The following DEAF1 variants were observed in gnomAD, a reference collection of about 807,000 sequenced individuals.
DEAF1 encodes DEAF1 transcription factor, also known as deformed epidermal autoregulatory factor 1 homolog.
A neutral mutation model predicts 58.9 loss-of-function variants in DEAF1; 53 were observed. That is an observed-to-expected ratio of 0.90 (90% CI 0.72 to 1.13). The LOEUF is 1.13. Ranked by LOEUF, DEAF1 falls within the 50% of genes most tolerant of loss-of-function variation. The pLI is 0.00. For synonymous variants in DEAF1, 385 were observed against 340.4 expected, an observed-to-expected ratio of 1.13 and a Z score of -1.44; for missense variants, 685 against 791.4, an observed-to-expected ratio of 0.87 and a Z score of 1.61.
At chr11:704,360 C>T in intron 1 of DEAF1, 4 of 1,030,252 alleles carry the variant, frequency 3.9e-6, no homozygotes, top group Non-Finnish European at 5.3e-6. Context: ...CCTGGACAGT[C>T]TTTCCTGCCT....
intron 4 of DEAF1, 21 bp downstream of exon 4, chr11:687,890 G>A (rs1269675280): frequency 8.7e-6 from 14 of 1,613,884 alleles, no homozygotes; most frequent in Non-Finnish European, 1.1e-5. Flanking sequence ...CAACTTTGGA[G>A]TCTGAAGTGG....
At chr11:657,535 C>T (rs927349559) in intron 10 of DEAF1, among the ~76,000 whole-genome samples, 2 of 152,140 alleles carry the variant, frequency 1.3e-5, no homozygotes, top group Non-Finnish European at 2.9e-5. Flanking sequence ...CAGATCCTCC[C>T]GTCTAGGAGA....
chr11:680,655 C>T (rs1327987149), intron 7 of DEAF1, among the ~76,000 whole-genome samples: 2 of 152,164 alleles, frequency 1.3e-5, no homozygotes, highest in African/African-American at 2.4e-5. Context: ...TCACCAAGGA[C>T]GCCCTTGTCA....
intron 10 of DEAF1, chr11:654,654 C>T (rs1307923053): frequency 2.2e-6 from 1 of 454,984 alleles, no homozygotes; most frequent in Non-Finnish European, 4.4e-6. Context: ...GCGGGTGGAT[C>T]ACCTGAGGTC....
At chr11:699,267 G>T (rs552295593), upstream of DEAF1, 58 of 272,868 alleles carry the variant, frequency 2.1e-4, 1 homozygote, top group African/African-American at 1.2e-3. Context: ...CTCTCACCCA[G>T]GCTGGAGTGT....
Position 653,488 on chromosome 11 carries a change from GTC to G in DEAF1, c.1593+472_1593+473del, listed in dbSNP as rs1185668872. Among the ~76,000 whole-genome samples the G allele has an allele frequency of 7.7e-5, 9 of 116,458 alleles. No individual in the cohort carries two copies. In the South Asian group the frequency reaches 9.0e-4, roughly 12 times the overall value. 76.4% of individuals were successfully genotyped at this position (116,458 alleles called of 152,430 possible). On this transcript the variant is annotated intron_variant, in intron 11 of 11. Coordinates refer to ENST00000382409, the MANE Select transcript of DEAF1 (RefSeq NM_021008.4). ...CTCAATAATAGAAGAACTGTGGACAGTCTCTCTCGCGTGGCTCTGCAGGGGTG... is the reference window on the plus strand; with the variant it reads ...CTCAATAATAGAAGAACTGTGGACAGTCTCTCGCGTGGCTCTGCAGGGGTG...
At chr11:652,052 A>T (rs1038058347) in intron 11 of DEAF1, among the ~76,000 whole-genome samples, 4 of 152,222 alleles carry the variant, frequency 2.6e-5, no homozygotes, top group Admixed American at 2.6e-4. Flanking sequence ...CCAACAGAGC[A>T]GAATATACAA....
chr11:699,757 AAAAAAG>A, upstream of DEAF1: 1 of 184,702 alleles, frequency 5.4e-6, no homozygotes, highest in African/African-American at 2.4e-5. Flanking sequence ...ATCTCAAAAA[AAAAAAG>A]AAAATGACAA....
chr11:654,335 T>C (rs1444908371), intron 10 of DEAF1, among the ~76,000 whole-genome samples: 2 of 150,772 alleles, frequency 1.3e-5, no homozygotes, highest in East Asian at 2.0e-4. Context: ...CCCAGCTAAT[T>C]TGTGTATTTT....
In DEAF1 at chr11:649,529, G is replaced by A. The variant is rs1176289045; in HGVS notation, c.1593+4433C>T. 4.0e-5 allele frequency among the ~76,000 whole-genome samples: 6 copies of A among 151,862 alleles called. No homozygotes were observed. The East Asian group carries it at 5.8e-4, about 15-fold the overall frequency. Reference sequence around the variant, plus strand: ...GAGGTCAGGAGCTCAAGACCAGCCTGACCAACATGGTGAAACCCTGTGTCT... The same window carrying A: ...GAGGTCAGGAGCTCAAGACCAGCCTAACCAACATGGTGAAACCCTGTGTCT... On this transcript the variant is annotated intron_variant, in intron 11 of 11. Coordinates refer to ENST00000382409, the MANE Select transcript of DEAF1 (RefSeq NM_021008.4).
chr11:700,926 G>C, intron 1 of DEAF1: 1 of 594,186 alleles, frequency 1.7e-6, no homozygotes, highest in East Asian at 2.8e-5. Flanking sequence ...CGTTGGGAGA[G>C]ACTCTGTGTT....
At chr11:681,123 T>C (rs1166126728) in intron 6 of DEAF1, 34 bp from the exon 7 acceptor site, 2 of 1,613,320 alleles carry the variant, frequency 1.2e-6, no homozygotes, top group South Asian at 1.1e-5. Flanking sequence ...ACCACCTTCA[T>C]GTGTGCAAAA....
intron 10 of DEAF1, among the ~76,000 whole-genome samples, chr11:660,355 C>CGCCCCT (rs1859267181): frequency 6.6e-6 from 1 of 152,232 alleles, no homozygotes; most frequent in Non-Finnish European, 1.5e-5. Flanking sequence ...AACCTGTCCC[C>CGCCCCT]GCCCCTGCCC....
chr11:687,858 AG>A (rs974442146), intron 4 of DEAF1, 52 bp downstream of exon 4: 1 of 1,603,416 alleles, frequency 6.2e-7, no homozygotes, highest in Non-Finnish European at 8.5e-7. Context: ...AATTTATGCT[AG>A]GGGGGTTACA....
Position 674,660 on chromosome 11 carries a change from A to G in DEAF1, c.1379T>C (p.Val460Ala). ...CTGCGCTGTGTTGAGCAAGGAGTTG[A>G]CCATCTCTTCTAGGTACAGCCAGCT... is the stretch of plus-strand genomic sequence containing the variant. ...PRSWLYLEEM[V>A]NSLLNTAQQL... Residue 460 changes from valine (V) to alanine (A), a missense_variant, in exon 10 of 12, where the codon GTC becomes GCC. Val to Ala is a moderately conservative substitution (Grantham distance 64, BLOSUM62 0). Coordinates refer to ENST00000382409, the MANE Select transcript of DEAF1 (RefSeq NM_021008.4). The G allele has an allele frequency of 6.2e-7, 1 of 1,613,848 alleles. No homozygotes were observed. Among genetic ancestry groups the G allele is most frequent in the Non-Finnish European group, 8.5e-7 (1 of 1,179,958 alleles).
intron 10 of DEAF1, among the ~76,000 whole-genome samples, chr11:663,677 C>T (rs1859410114): frequency 6.6e-6 from 1 of 151,836 alleles, no homozygotes; most frequent in African/African-American, 2.4e-5. Context: ...TCCTCCAACT[C>T]CTCAGCGACT....
At chr11:694,443 TGGCAGGTGG>T in intron 1 of DEAF1, 1 of 177,678 alleles carries the variant, frequency 5.6e-6, no homozygotes, top group Non-Finnish European at 9.5e-6. Context: ...CAGGTATTTG[TGGCAGGTGG>T]GGCAGGCTGG....
At chr11:680,312 C>T (rs1002317433) in intron 7 of DEAF1, among the ~76,000 whole-genome samples, 6 of 152,206 alleles carry the variant, frequency 3.9e-5, no homozygotes, top group Non-Finnish European at 8.8e-5. Context: ...CCCAGGGCCT[C>T]AGGAAGGAGC....
intron 11 of DEAF1, among the ~76,000 whole-genome samples, chr11:647,026 G>T (rs1362435204): frequency 6.6e-6 from 1 of 152,092 alleles, no homozygotes; most frequent in Non-Finnish European, 1.5e-5. Flanking sequence ...GGGTGTGGTG[G>T]CTCATGCCTG....
Sources: gnomAD v4.1 joint callset for allele counts (sites outside exome capture counted in the v4.1 genomes callset) on GRCh38, gnomAD v4.1.1 for gene constraint, MANE v1.5 for transcripts, NCBI Gene and HGNC (gene_info 2026-07-23, HGNC 2026-07-21) for gene names.